RBFOX1: variants seen among roughly 807,000 people sequenced by gnomAD.
RBFOX1 encodes the protein RNA binding protein fox-1 homolog 1.
In RBFOX1, 8 loss-of-function variants were observed where a neutral mutation model predicts 57.7. The observed-to-expected ratio is 0.14, with a 90% confidence interval of 0.08 to 0.25. The LOEUF (loss-of-function observed/expected upper bound fraction) is 0.25, where lower values mean the gene tolerates loss of function less well. RBFOX1 is among the 10% of genes least tolerant of loss of function. The pLI is 1.00. For synonymous variants in RBFOX1, 326 were observed against 222.4 expected (o/e 1.47, Z -4.15); for missense variants, 611 against 548.5 (o/e 1.11, Z -1.14).
chr16:6,922,925 C>G (rs2074795557), intron 3 of RBFOX1, among the ~76,000 whole-genome samples: 2 of 152,072 alleles, frequency 1.3e-5, no homozygotes, highest in African/African-American at 2.4e-5. Flanking sequence ...TTCCTTTTGG[C>G]CATTTTTGAT....
chr16:6,840,325 C>A (rs1018418501), intron 3 of RBFOX1, among the ~76,000 whole-genome samples: 1 of 152,144 alleles, frequency 6.6e-6, no homozygotes, highest in Non-Finnish European at 1.5e-5. Flanking sequence ...GCTGCAGGGC[C>A]GCCTCTAACA....
At chr16:6,671,730 C>G (rs546618110) in intron 3 of RBFOX1, among the ~76,000 whole-genome samples, 2 of 152,288 alleles carry the variant, frequency 1.3e-5, no homozygotes, top group South Asian at 4.1e-4. Flanking sequence ...TTTTCCATTT[C>G]TGAGTTACTT....
chr16:5,891,465 A>G (rs1385127416), intron 4 of RBFOX1, among the ~76,000 whole-genome samples: 1 of 152,240 alleles, frequency 6.6e-6, no homozygotes, highest in Non-Finnish European at 1.5e-5. Context: ...AAGCATTGGA[A>G]TTCAGTTTTA....
intron 3 of RBFOX1, among the ~76,000 whole-genome samples, chr16:5,853,103 C>T (rs182319279): frequency 6.6e-6 from 1 of 151,986 alleles, no homozygotes; most frequent in Non-Finnish European, 1.5e-5. Context: ...GGAGTCATCT[C>T]TTGTGTAGAG....
chr16:6,973,233 C>G (rs1193084545), intron 3 of RBFOX1, among the ~76,000 whole-genome samples: 1 of 152,022 alleles, frequency 6.6e-6, no homozygotes, highest in Non-Finnish European at 1.5e-5. Context: ...GGGGTTCTTC[C>G]CCATTAATAG....
intron 3 of RBFOX1, among the ~76,000 whole-genome samples, chr16:5,680,694 C>A (rs986941692): frequency 3.9e-5 from 6 of 152,120 alleles, no homozygotes; most frequent in Non-Finnish European, 8.8e-5. Flanking sequence ...TTGGAGAATG[C>A]CAAACTTTAG....
intron 4 of RBFOX1, among the ~76,000 whole-genome samples, chr16:7,417,458 A>G (rs2149269716): frequency 6.6e-6 from 1 of 151,050 alleles, no homozygotes; most frequent in East Asian, 2.0e-4. Flanking sequence ...AAAGTACACC[A>G]CCACCACCAG....
intron 2 of RBFOX1, among the ~76,000 whole-genome samples, chr16:6,579,643 C>T (rs2097504237): frequency 6.6e-6 from 1 of 152,204 alleles, no homozygotes; most frequent in Non-Finnish European, 1.5e-5. Context: ...TCTGAGGCTT[C>T]CCAAGCCATG....
intron 1 of RBFOX1, among the ~76,000 whole-genome samples, chr16:5,306,789 C>T (rs953313057): frequency 6.6e-6 from 1 of 152,178 alleles, no homozygotes; most frequent in African/African-American, 2.4e-5. Flanking sequence ...CTCTGTTCTG[C>T]GTCTTGCAGG....
chr16:5,476,499 G>A (rs2151633193), intron 2 of RBFOX1, among the ~76,000 whole-genome samples: 1 of 152,270 alleles, frequency 6.6e-6, no homozygotes, highest in South Asian at 2.1e-4. Context: ...TCATGTAGTG[G>A]TCAAGTAAGT....
chr16:6,760,458 T>G (rs1269249002), intron 3 of RBFOX1, among the ~76,000 whole-genome samples: 1 of 152,136 alleles, frequency 6.6e-6, no homozygotes, highest in African/African-American at 2.4e-5. Context: ...CATGTATTAT[T>G]AAGAAAAAAT....
At chr16:6,583,797 C>T (rs1204225684) in intron 2 of RBFOX1, among the ~76,000 whole-genome samples, 1 of 152,080 alleles carries the variant, frequency 6.6e-6, no homozygotes, top group Non-Finnish European at 1.5e-5. Flanking sequence ...TGGTGTGACG[C>T]CAAAATAAAT....
chr16:7,250,091 C>T (rs1001144584), intron 4 of RBFOX1, among the ~76,000 whole-genome samples: 2 of 152,116 alleles, frequency 1.3e-5, no homozygotes, highest in Non-Finnish European at 2.9e-5. Context: ...GGGTTTTGAA[C>T]CAGTTGTGTT....
intron 3 of RBFOX1, among the ~76,000 whole-genome samples, chr16:6,955,584 T>C (rs1297338993): frequency 6.6e-6 from 1 of 152,234 alleles, no homozygotes; most frequent in African/African-American, 2.4e-5. Flanking sequence ...ATATTGGTTT[T>C]ATATGCTGGT....
intron 3 of RBFOX1, among the ~76,000 whole-genome samples, chr16:5,729,379 C>CTTTTT (rs200789352): frequency 3.2e-5 from 4 of 123,912 alleles, no homozygotes; most frequent in Non-Finnish European, 6.7e-5. Context: ...ACACAGCTAG[C>CTTTTT]TTTTTTTTTT....
chr16:7,259,575 G>A (rs1285727868), intron 4 of RBFOX1, among the ~76,000 whole-genome samples: 1 of 150,540 alleles, frequency 6.6e-6, no homozygotes, highest in East Asian at 1.9e-4. Context: ...AAAAAAAAAA[G>A]GATTAAGATA....
chr16:6,794,019 A>G (rs2083459246), intron 3 of RBFOX1, among the ~76,000 whole-genome samples: 1 of 152,110 alleles, frequency 6.6e-6, no homozygotes, highest in Non-Finnish European at 1.5e-5. Context: ...TTGGTTAGGT[A>G]ATGAAGCACG....
chr16:7,397,898 A>C (rs2148683844), intron 4 of RBFOX1, among the ~76,000 whole-genome samples: 1 of 152,230 alleles, frequency 6.6e-6, no homozygotes, highest in Non-Finnish European at 1.5e-5. Flanking sequence ...AAACAGATGA[A>C]ACTACCTGAT....
intron 4 of RBFOX1, among the ~76,000 whole-genome samples, chr16:6,001,758 G>A (rs2060603632): frequency 6.6e-6 from 1 of 152,082 alleles, no homozygotes; most frequent in Admixed American, 6.5e-5. Context: ...GAGTGCAGCT[G>A]GTACAAATAT....
Sources: allele counts gnomAD v4.1 joint callset (sites outside exome capture counted in the v4.1 genomes callset), GRCh38; gene constraint gnomAD v4.1.1; transcripts MANE v1.5; gene names NCBI Gene and HGNC (gene_info 2026-07-23, HGNC 2026-07-21).